The following CLEC19A variants were observed in gnomAD, a reference collection of about 807,000 sequenced individuals.
The protein encoded by CLEC19A is C-type lectin domain containing 19A.
Under a neutral mutation model 26.1 loss-of-function variants are expected in CLEC19A, and 21 were observed. The observed-to-expected ratio is 0.80, with a 90% CI of 0.57 to 1.16. The LOEUF is 1.16. Ranked by LOEUF, CLEC19A falls within the 50% of genes most tolerant of loss-of-function variation. The pLI, the probability that CLEC19A is intolerant of heterozygous loss-of-function variation, is 0.00. For missense variants in CLEC19A, 224 were observed against 227.6 expected, an observed-to-expected ratio of 0.98 and a Z score of 0.10; for synonymous variants, 89 against 88.6, an observed-to-expected ratio of 1.00 and a Z score of -0.03.
chr16:19,298,313 G>C (rs1173075382), intron 1 of CLEC19A, among the ~76,000 whole-genome samples: 1 of 150,864 alleles, frequency 6.6e-6, no homozygotes, highest in East Asian at 1.9e-4. Context: ...CACTTTGGGA[G>C]GCTGAAGCAG....
rs1178732955 is a variant in CLEC19A, at chr16:19,310,158, C to G, written c.*1075C>G. On this transcript the variant is annotated 3_prime_UTR_variant, in exon 5 of 5. Coordinates refer to ENST00000636231, the MANE Select transcript of CLEC19A (RefSeq NM_001256720.2). ...CTCCTAGATCTCGACCTAAGAGAAT[C>G]GGAAACAGGTATTTAAATATAAGTG... 6.6e-6 allele frequency: 1 copy of G among 152,074 alleles called. No individual in the cohort carries two copies. The highest frequency in any genetic ancestry group is 2.1e-4 in the South Asian group (1 of 4,828). The allele number at this position is 152,074 out of a possible 1,614,324, so 9.4% of individuals were successfully genotyped here.
intron 1 of CLEC19A, 27 bp from the exon 2 acceptor site, chr16:19,298,645 TC>T (rs747007176): frequency 3.9e-5 from 60 of 1,549,352 alleles, no homozygotes; most frequent in Non-Finnish European, 5.2e-5. Context: ...CCAACCTTCC[TC>T]CCAGTCTGTT....
At chr16:19,303,173 T>C (rs1486556930) in intron 2 of CLEC19A, among the ~76,000 whole-genome samples, 1 of 152,230 alleles carries the variant, frequency 6.6e-6, no homozygotes, top group Non-Finnish European at 1.5e-5. Flanking sequence ...GCACAGTACC[T>C]GGCATGAAGT....
Position 19,309,239 on chromosome 16 carries a change from C to A in CLEC19A, c.*156C>A. ...GCAGATCTTAATTATACAGGGTGGT[C>A]ACTTGGCCAAGTGTCAGGAAAGCCA... On this transcript the variant is annotated 3_prime_UTR_variant, in exon 5 of 5. Transcript: ENST00000636231. 1 of 539,094 alleles carries A rather than the reference C, an allele frequency of 1.9e-6. No individual in the cohort carries two copies. Among genetic ancestry groups the A allele is most frequent in the Non-Finnish European group, 3.2e-6 (1 of 317,212 alleles). 33.4% of individuals were successfully genotyped at this position (539,094 alleles called of 1,614,324 possible).
At chr16:19,298,947 G>A in intron 2 of CLEC19A, 109 bp downstream of exon 2, 1 of 1,214,870 alleles carries the variant, frequency 8.2e-7, no homozygotes, top group South Asian at 1.6e-5. Context: ...GAAACTATTT[G>A]AAAAAAATGG....
chr16:19,285,937 C>T lies in CLEC19A; in HGVS notation c.86C>T (p.Pro29Leu), dbSNP rs1199307122. The T allele has an allele frequency of 1.2e-5, 18 of 1,550,322 alleles. No homozygotes were observed. The South Asian group carries it at 2.0e-4, about 17-fold the overall frequency. Residue 29 changes from proline to leucine, a missense_variant and splice_region_variant, in exon 1 of 5, where the codon CCA becomes CTA. Transcript: ENST00000636231. Reference protein sequence around the residue: ...AFPQTDISISPALPELPLPSL... With the variant: ...AFPQTDISISLALPELPLPSL... ...CCACAAACAGACATCAGTATCAGTCCAGGTAAGTGCAGGGACCAGGGCTGG... is the reference window on the plus strand; with the variant it reads ...CCACAAACAGACATCAGTATCAGTCTAGGTAAGTGCAGGGACCAGGGCTGG...
chr16:19,304,321 A>G, intron 3 of CLEC19A, 166 bp downstream of exon 3: 2 of 605,744 alleles, frequency 3.3e-6, no homozygotes, highest in South Asian at 3.9e-5. Flanking sequence ...TTTGTGAAAG[A>G]CATTTAATGA....
chr16:19,299,295 G>A (rs1435021364), intron 2 of CLEC19A, among the ~76,000 whole-genome samples: 1 of 152,136 alleles, frequency 6.6e-6, no homozygotes, highest in Non-Finnish European at 1.5e-5. Flanking sequence ...ATACTTATTT[G>A]CTGCACGTTT....
intron 1 of CLEC19A, 47 bp downstream of exon 1, chr16:19,285,986 C>A: frequency 6.6e-7 from 1 of 1,522,600 alleles, no homozygotes; most frequent in Non-Finnish European, 8.9e-7. Context: ...GGAGTACACT[C>A]TCAGGAACTT....
intron 1 of CLEC19A, among the ~76,000 whole-genome samples, chr16:19,293,771 A>G (rs569182203): frequency 0.017 from 588 of 34,202 alleles, 7 homozygotes; most frequent in African/African-American, 0.05. Context: ...TTTAATTTTT[A>G]TGGGCTATAG....
chr16:19,286,609 G>A (rs1897474818), intron 1 of CLEC19A, among the ~76,000 whole-genome samples: 1 of 152,208 alleles, frequency 6.6e-6, no homozygotes, highest in African/African-American at 2.4e-5. Context: ...GGAAGGCTGG[G>A]TTACTGATTC....
intron 2 of CLEC19A, among the ~76,000 whole-genome samples, chr16:19,301,274 GC>G (rs992300557): frequency 7.2e-5 from 11 of 152,172 alleles, no homozygotes. Flanking sequence ...GGAACTTTGG[GC>G]TACAAGCTGT....
chr16:19,294,754 G>T (rs890519843), intron 1 of CLEC19A, among the ~76,000 whole-genome samples: 1 of 152,200 alleles, frequency 6.6e-6, no homozygotes, highest in Non-Finnish European at 1.5e-5. Context: ...TAAAATTAGA[G>T]AAATAGCCCA....
intron 1 of CLEC19A, among the ~76,000 whole-genome samples, chr16:19,286,632 A>T (rs1897475360): frequency 6.6e-6 from 1 of 152,214 alleles, no homozygotes; most frequent in African/African-American, 2.4e-5. Context: ...GGGGACCCTC[A>T]TCTGGATGAG....
intron 3 of CLEC19A, among the ~76,000 whole-genome samples, chr16:19,307,276 G>T (rs570456021): frequency 5.9e-5 from 9 of 152,152 alleles, no homozygotes; most frequent in Admixed American, 1.3e-4. Flanking sequence ...GGCTGATGAC[G>T]CCTGCTTTTC....
At chr16:19,308,677 T>A (rs1898005526) in intron 4 of CLEC19A, among the ~76,000 whole-genome samples, 1 of 152,220 alleles carries the variant, frequency 6.6e-6, no homozygotes, top group Admixed American at 6.5e-5. Context: ...TAATTGTTAT[T>A]CCCTCTTTGC....
chr16:19,294,836 A>C (rs1458257627), intron 1 of CLEC19A, among the ~76,000 whole-genome samples: 3 of 150,846 alleles, frequency 2.0e-5, no homozygotes, highest in Non-Finnish European at 4.5e-5. Context: ...AGGCTAAGAA[A>C]TGTGAATGTT....
At chr16:19,299,849 C>T (rs1394740649) in intron 2 of CLEC19A, among the ~76,000 whole-genome samples, 1 of 152,180 alleles carries the variant, frequency 6.6e-6, no homozygotes, top group Non-Finnish European at 1.5e-5. Context: ...ACAATCTTAT[C>T]TCTGTTCTTC....
chr16:19,290,474 T>C (rs179203), intron 1 of CLEC19A, among the ~76,000 whole-genome samples: 94,069 of 151,960 alleles, frequency 0.62, 29,923 homozygotes, highest in East Asian at 0.92. Flanking sequence ...ACACACTGTG[T>C]CCTCCCCCCG....
Sources: gnomAD v4.1 joint callset for allele counts (sites outside exome capture counted in the v4.1 genomes callset) on GRCh38, gnomAD v4.1.1 for gene constraint, MANE v1.5 for transcripts, NCBI Gene and HGNC (gene_info 2026-07-23, HGNC 2026-07-21) for gene names.